The following SPINK5 variants were observed in gnomAD, a reference collection of about 807,000 sequenced individuals.
The protein encoded by SPINK5 is serine protease inhibitor Kazal-type 5.
SPINK5 carries 125 observed loss-of-function variants against 151.8 expected under a neutral mutation model. The ratio of observed to expected loss-of-function variants is 0.82; its 90% CI spans 0.71 to 0.96. The LOEUF is 0.96. Ranked by LOEUF, SPINK5 falls within the 40% of genes least tolerant of loss-of-function variation. The pLI is 0.00. For synonymous variants in SPINK5, 374 were observed against 395.3 expected (o/e 0.95, Z 0.64); for missense variants, 1,194 against 1,291.9 (o/e 0.92, Z 1.16).
In SPINK5 at chr5:148,131,390, G is replaced by C; in HGVS notation, c.3095+1G>C. On this transcript the variant is annotated splice_donor_variant, in intron 31 of 32. Transcript: ENST00000256084. LOFTEE classifies it high-confidence loss of function. ...CTTGCATGCTCTGTCATGAAAACCT[G>C]TAAGTATTCAAGTTGCCCCATCATA... The C allele has an allele frequency of 6.2e-7, 1 of 1,613,806 alleles. No individual in the cohort carries two copies. Among genetic ancestry groups the C allele is most frequent in the Non-Finnish European group, 8.5e-7 (1 of 1,179,742 alleles).
At chr5:148,126,571 TTTTATTTATTTA>T (rs78833989) in intron 29 of SPINK5, among the ~76,000 whole-genome samples, 83,307 of 149,682 alleles carry the variant, frequency 0.56, 23,995 homozygotes, top group Admixed American at 0.65. Flanking sequence ...TGTGATTCTG[TTTTATTTATTTA>T]TTTATTTATT....
chr5:148,064,989 A>G (rs975918568), intron 1 of SPINK5, among the ~76,000 whole-genome samples: 2 of 152,136 alleles, frequency 1.3e-5, no homozygotes, highest in Admixed American at 6.5e-5. Context: ...TATAATTGGT[A>G]TAGTATTTTG....
intron 29 of SPINK5, 58 bp from the exon 30 acceptor site, chr5:148,126,925 C>T: frequency 1.5e-6 from 2 of 1,370,648 alleles, no homozygotes; most frequent in Non-Finnish European, 2.0e-6. Context: ...CTTAACTTCT[C>T]ACTGGAAGTT....
chr5:148,099,846 G>A (rs1394613759), intron 12 of SPINK5, among the ~76,000 whole-genome samples: 3 of 151,946 alleles, frequency 2.0e-5, no homozygotes, highest in Non-Finnish European at 4.4e-5. Context: ...TTGGAGTAAT[G>A]TTTCAAAATG....
Position 148,112,927 on chromosome 5 carries a change from CT to C in SPINK5, c.1881del (p.Glu628LysfsTer87). 1 of 1,613,618 alleles carries C rather than the reference CT, an allele frequency of 6.2e-7. No homozygotes were observed. Among genetic ancestry groups the C allele is most frequent in the Non-Finnish European group, 8.5e-7 (1 of 1,179,812 alleles). The stretch of plus-strand genomic sequence containing the variant: ...CCCAGAGCAAAAGTCAAAAGAGAAG[CT>C]GAAAAGGTAGTAATCCTGAATGTTT... ...AEPRAKVKRE[A>X]EKETCDEFRR... On this transcript the variant is annotated frameshift_variant, in exon 20 of 33. Transcript: ENST00000256084. LOFTEE classifies it high-confidence loss of function.
intron 11 of SPINK5, 39 bp downstream of exon 11, chr5:148,098,033 T>A (rs1351994683): frequency 6.3e-7 from 1 of 1,591,492 alleles, no homozygotes; most frequent in African/African-American, 1.3e-5. Context: ...AAAGAAGGGA[T>A]CTTGCAGGTA....
At chr5:148,116,022 A>C (rs1754078503) in intron 21 of SPINK5, among the ~76,000 whole-genome samples, 1 of 151,952 alleles carries the variant, frequency 6.6e-6, no homozygotes. Flanking sequence ...GTGTTTTGCC[A>C]TGTTGGCCAG....
rs1040156660 is a variant in SPINK5, at chr5:148,112,939, T to C, written c.1887+5T>C. ...GTCAAAAGAGAAGCTGAAAAGGTAG[T>C]AATCCTGAATGTTTATACTGCAATG... On this transcript the variant is annotated splice_donor_5th_base_variant and intron_variant, in intron 20 of 32. Transcript: ENST00000256084. The C allele has an allele frequency of 1.2e-6, 2 of 1,613,618 alleles. No homozygotes were observed. The highest frequency in any genetic ancestry group is 1.7e-6 in the Non-Finnish European group (2 of 1,179,754).
chr5:148,122,042 G>GT (rs1219261879), intron 26 of SPINK5, among the ~76,000 whole-genome samples: 11 of 151,042 alleles, frequency 7.3e-5, no homozygotes, highest in Non-Finnish European at 1.5e-5. Context: ...GAGAACTACC[G>GT]TTTTATCTAC....
chr5:148,073,253 A>G (rs891496845), intron 4 of SPINK5, among the ~76,000 whole-genome samples: 22 of 152,014 alleles, frequency 1.4e-4, no homozygotes, highest in Middle Eastern at 3.4e-3. Context: ...AATTACTTAT[A>G]ACATCCATGG....
intron 4 of SPINK5, 89 bp downstream of exon 4, chr5:148,072,309 A>C (rs1343591107): frequency 1.4e-6 from 2 of 1,409,516 alleles, no homozygotes; most frequent in Non-Finnish European, 2.0e-6. Context: ...TTACTAGGTC[A>C]TACCTGTTTT....
chr5:148,124,982 T>C, intron 28 of SPINK5, 145 bp downstream of exon 28: 1 of 1,237,994 alleles, frequency 8.1e-7, no homozygotes. Flanking sequence ...CTTTGTATCA[T>C]AACAAGATTT....
intron 18 of SPINK5, among the ~76,000 whole-genome samples, chr5:148,110,516 AG>A (rs1458109230): frequency 3.9e-5 from 6 of 152,190 alleles, no homozygotes; most frequent in Admixed American, 3.3e-4. Flanking sequence ...CAATTTAAAA[AG>A]TATTTTAGTT....
chr5:148,097,242 A>G (rs183677632), intron 10 of SPINK5, among the ~76,000 whole-genome samples: 134 of 152,118 alleles, frequency 8.8e-4, no homozygotes, highest in Non-Finnish European at 1.2e-3. Context: ...TGCTATAAAC[A>G]TTTATAATTT....
chr5:148,098,666 GT>G (rs955335520), intron 11 of SPINK5, among the ~76,000 whole-genome samples: 9 of 116,230 alleles, frequency 7.7e-5, no homozygotes, highest in South Asian at 5.7e-4. Flanking sequence ...AATTATTGTG[GT>G]TTTTTTTTTC....
rs11958432 is a variant in SPINK5 at position 148,095,925 on chromosome 5, A to G, written c.882+20A>G. The G allele has an allele frequency of 0.51, 806,082 of 1,592,966 alleles. 207,603 individuals are homozygous for G. The highest frequency in any genetic ancestry group is 0.66 in the Admixed American group (39,529 of 59,660). On this transcript the variant is annotated intron_variant, in intron 10 of 32. Coordinates refer to ENST00000256084, the MANE Select transcript of SPINK5 (RefSeq NM_006846.4). ...ATTGTGGTGAGAATCAGTTTGATCA[A>G]TCTAGTTACAACTTGTGTGTGTGTG...
intron 10 of SPINK5, among the ~76,000 whole-genome samples, chr5:148,096,428 T>C (rs1002737046): frequency 6.6e-6 from 1 of 152,036 alleles, no homozygotes; most frequent in Non-Finnish European, 1.5e-5. Context: ...TTGTACACTG[T>C]TGGTCTCCAT....
rs776978527 is a variant in SPINK5, at chr5:148,101,346, C to A, written c.1221-9C>A. 5 of 1,596,116 alleles carry A rather than the reference C, an allele frequency of 3.1e-6. No individual in the cohort carries two copies. The Admixed American group carries it at 6.7e-5, about 21-fold the overall frequency. On this transcript the variant is annotated splice_polypyrimidine_tract_variant and intron_variant, in intron 13 of 32. Coordinates refer to ENST00000256084, the MANE Select transcript of SPINK5 (RefSeq NM_006846.4). ...TTTTACTTATCTCTTCTTAACCATC[C>A]TTTTTTAGCCAAGCAGAAGAAGAAG...
At chr5:148,076,197 A>G (rs1226159102) in intron 4 of SPINK5, among the ~76,000 whole-genome samples, 1 of 151,806 alleles carries the variant, frequency 6.6e-6, no homozygotes, top group African/African-American at 2.4e-5. Flanking sequence ...AAGCATTGTT[A>G]GCTTGAAGTA....
Sources: allele counts gnomAD v4.1 joint callset (sites outside exome capture counted in the v4.1 genomes callset), GRCh38; gene constraint gnomAD v4.1.1; transcripts MANE v1.5; gene names NCBI Gene and HGNC (gene_info 2026-07-23, HGNC 2026-07-21).